The following LIN9 variants were observed in gnomAD, a reference collection of about 807,000 sequenced individuals.
LIN9 encodes the protein protein lin-9 homolog.
In LIN9, 18 loss-of-function variants were observed where a neutral mutation model predicts 78.0. That is an observed-to-expected ratio of 0.23 (90% CI 0.16 to 0.34). LIN9 has a LOEUF of 0.34. Among genes scored for constraint, LIN9 ranks in the 10% least tolerant of loss-of-function variants. LIN9 has a pLI of 1.00. For missense variants in LIN9, 451 were observed against 644.1 expected (o/e 0.70, Z 3.25); for synonymous variants, 192 against 215.2 (o/e 0.89, Z 0.94).
chr1:226,298,798 C>T (rs913218977), intron 2 of LIN9, among the ~76,000 whole-genome samples: 18 of 151,828 alleles, frequency 1.2e-4, no homozygotes, highest in African/African-American at 3.1e-4. Context: ...AGGCGAAGGT[C>T]GAAGCAAGCC....
chr1:226,278,552 G>A (rs1415274780), intron 6 of LIN9, among the ~76,000 whole-genome samples: 3 of 152,204 alleles, frequency 2.0e-5, no homozygotes, highest in Admixed American at 6.5e-5. Context: ...GGCCGGGCGT[G>A]GTGGCTCATG....
intron 11 of LIN9, 72 bp from the exon 12 acceptor site, chr1:226,239,168 G>A: frequency 1.3e-6 from 2 of 1,503,310 alleles, no homozygotes; most frequent in Non-Finnish European, 1.8e-6. Context: ...GATCTAAAAG[G>A]AGATTTGACT....
At chr1:226,302,768 G>T (rs1662643855) in intron 1 of LIN9, among the ~76,000 whole-genome samples, 1 of 152,204 alleles carries the variant, frequency 6.6e-6, no homozygotes, top group Non-Finnish European at 1.5e-5. Flanking sequence ...AACAAAAGCA[G>T]CTATGATTTA....
rs1351022529 is a variant in LIN9, at chr1:226,263,569, ACTCT to A, written c.1038+1960_1038+1963del. Reference sequence around the variant, plus strand: ...CCCTTTGCTTATTGATCTCTCTCAAACTCTCTCACACACACAACACCTGTTCAAA... The same window carrying A: ...CCCTTTGCTTATTGATCTCTCTCAAACTCACACACACAACACCTGTTCAAA... On this transcript the variant is annotated intron_variant, in intron 10 of 14. Coordinates refer to ENST00000681046, the MANE Select transcript of LIN9 (RefSeq NM_001366245.2). Among the ~76,000 whole-genome samples, 3 of 152,148 alleles carry A rather than the reference ACTCT, an allele frequency of 2.0e-5. No homozygotes were observed. The South Asian group carries it at 6.2e-4, about 32-fold the overall frequency.
In LIN9 at chr1:226,274,953, A is replaced by T. The variant is rs930563979; in HGVS notation, c.682+2822T>A. Among the ~76,000 whole-genome samples the T allele has an allele frequency of 2.6e-5, 4 of 152,158 alleles. No individual in the cohort carries two copies. In the South Asian group the frequency reaches 6.2e-4, roughly 24 times the overall value. ...GAAGTCACTGTCTGCTAATCCCAAC[A>T]TCTGAGTCATCTCAGAGTCTATCTC... is the stretch of plus-strand genomic sequence containing the variant. On this transcript the variant is annotated intron_variant, in intron 7 of 14. Transcript: ENST00000681046.
At chr1:226,273,347 A>C (rs765208349) in intron 7 of LIN9, among the ~76,000 whole-genome samples, 4 of 144,036 alleles carry the variant, frequency 2.8e-5, no homozygotes, top group Non-Finnish European at 6.0e-5. Flanking sequence ...AGTTGAGACT[A>C]AGGTAATCCT....
chr1:226,253,267 A>AT (rs1658960247), intron 10 of LIN9, among the ~76,000 whole-genome samples: 1 of 146,722 alleles, frequency 6.8e-6, no homozygotes, highest in Non-Finnish European at 1.5e-5. Context: ...CCCTGTCTCA[A>AT]AAAAAAAAAA....
In LIN9 at chr1:226,300,124, G is replaced by T. The variant is rs1287887418; in HGVS notation, c.64+1049C>A. Among the ~76,000 whole-genome samples the T allele has an allele frequency of 2.6e-5, 4 of 152,206 alleles. No individual in the cohort carries two copies. In the East Asian group the frequency reaches 7.8e-4, roughly 30 times the overall value. ...CGGATAATTTTGTATTTTTAGTAGA[G>T]ATGGGGTTTCACCTTGTTAGCCAGG... On this transcript the variant is annotated intron_variant, in intron 2 of 14. Transcript: ENST00000681046.
intron 7 of LIN9, among the ~76,000 whole-genome samples, chr1:226,275,706 AAAAAAAG>A (rs1660611107): frequency 6.2e-5 from 9 of 145,480 alleles, no homozygotes; most frequent in African/African-American, 1.2e-4. Flanking sequence ...AAAAAAAAAA[AAAAAAAG>A]AAAAAAAGAA....
At chr1:226,245,765 T>C (rs1038566933) in intron 11 of LIN9, among the ~76,000 whole-genome samples, 1 of 151,956 alleles carries the variant, frequency 6.6e-6, no homozygotes, top group Admixed American at 6.6e-5. Flanking sequence ...GCCTGGCTAA[T>C]TTTTGTATTT....
At chr1:226,238,375 T>C (rs1005982447) in intron 12 of LIN9, among the ~76,000 whole-genome samples, 2 of 152,182 alleles carry the variant, frequency 1.3e-5, no homozygotes, top group South Asian at 4.1e-4. Flanking sequence ...CTCACACCTA[T>C]ATCTCAGTAC....
intron 11 of LIN9, among the ~76,000 whole-genome samples, chr1:226,240,420 C>T (rs1462242080): frequency 6.9e-6 from 1 of 144,714 alleles, no homozygotes; most frequent in Non-Finnish European, 1.5e-5. Flanking sequence ...CAGGGTTTCA[C>T]TCCCGTCACC....
At chr1:226,286,226 C>T (rs1661372665) in intron 6 of LIN9, 107 bp downstream of exon 6, 1 of 1,216,980 alleles carries the variant, frequency 8.2e-7, no homozygotes, top group Non-Finnish European at 1.1e-6. Flanking sequence ...AACCCCTGGC[C>T]TTAAGCAAAT....
chr1:226,237,720 G>A (rs1262079303), intron 12 of LIN9, among the ~76,000 whole-genome samples: 3 of 151,888 alleles, frequency 2.0e-5, no homozygotes, highest in Non-Finnish European at 4.4e-5. Context: ...GGCCGAGGAG[G>A]GCGGATCACT....
intron 10 of LIN9, among the ~76,000 whole-genome samples, chr1:226,255,108 G>A (rs185903701): frequency 4.4e-4 from 67 of 152,096 alleles, no homozygotes; most frequent in Non-Finnish European, 7.5e-4. Flanking sequence ...TAATATATGT[G>A]GTAGGTGCAT....
At chr1:226,246,712 G>C (rs1658500752) in intron 11 of LIN9, among the ~76,000 whole-genome samples, 1 of 148,904 alleles carries the variant, frequency 6.7e-6, no homozygotes, top group Non-Finnish European at 1.5e-5. Flanking sequence ...AGAATGGTGT[G>C]AATCTGGGAG....
At chr1:226,307,579 T>C (rs1160681513) in intron 1 of LIN9, among the ~76,000 whole-genome samples, 1 of 152,186 alleles carries the variant, frequency 6.6e-6, no homozygotes, top group African/African-American at 2.4e-5. Context: ...GAGGTTGCAA[T>C]GAGCCGAGAT....
intron 14 of LIN9, 59 bp downstream of exon 14, chr1:226,233,037 G>A (rs996733166): frequency 3.0e-6 from 3 of 999,042 alleles, no homozygotes; most frequent in South Asian, 1.6e-5. Flanking sequence ...CTTAAAACCT[G>A]GACTGAAAAT....
intron 12 of LIN9, among the ~76,000 whole-genome samples, chr1:226,238,088 T>C (rs1657853273): frequency 6.6e-6 from 1 of 152,140 alleles, no homozygotes. Context: ...AGTAGGAAAC[T>C]CAAATTTTGG....
Sources: gnomAD v4.1 joint callset for allele counts (sites outside exome capture counted in the v4.1 genomes callset) on GRCh38, gnomAD v4.1.1 for gene constraint, MANE v1.5 for transcripts, NCBI Gene and HGNC (gene_info 2026-07-23, HGNC 2026-07-21) for gene names.